Variants in ITPR2 observed in about 807,000 individuals in gnomAD.
ITPR2 encodes inositol 1,4,5-trisphosphate receptor type 2.
ITPR2 carries 207 observed loss-of-function variants against 317.1 expected under a neutral mutation model. That is an observed-to-expected ratio of 0.65 (90% confidence interval 0.58 to 0.73). The LOEUF (loss-of-function observed/expected upper bound fraction) is 0.73, where lower values mean the gene tolerates loss of function less well. ITPR2 is among the 30% of genes least tolerant of loss of function. ITPR2 has a pLI of 0.00. For missense variants in ITPR2, 2,613 were observed against 3,284.0 expected, an observed-to-expected ratio of 0.80 and a Z score of 4.99; for synonymous variants, 1,156 against 1,149.1, an observed-to-expected ratio of 1.01 and a Z score of -0.12.
chr12:26,698,408 G>A (rs1948388679), intron 9 of ITPR2, among the ~76,000 whole-genome samples: 2 of 152,130 alleles, frequency 1.3e-5, no homozygotes, highest in Non-Finnish European at 2.9e-5. Context: ...TCATGCAAGC[G>A]ACAACCAAGA....
chr12:26,671,879 A>G (rs1947780922), intron 13 of ITPR2, among the ~76,000 whole-genome samples: 1 of 152,178 alleles, frequency 6.6e-6, no homozygotes, highest in African/African-American at 2.4e-5. Context: ...TGGAAAACGA[A>G]AAAAGGCAGG....
chr12:26,653,569 G>GAGC (rs1305636815), intron 21 of ITPR2, among the ~76,000 whole-genome samples: 2 of 152,136 alleles, frequency 1.3e-5, no homozygotes, highest in African/African-American at 4.8e-5. Flanking sequence ...CTCTGCTGTG[G>GAGC]AGCACAGCCT....
At chr12:26,618,077 C>G (rs1318912038) in intron 26 of ITPR2, among the ~76,000 whole-genome samples, 1 of 151,890 alleles carries the variant, frequency 6.6e-6, no homozygotes, top group African/African-American at 2.4e-5. Flanking sequence ...AAAAAGTAAA[C>G]TAGGAAGAGA....
At chr12:26,817,730 G>C (rs1201589136) in intron 1 of ITPR2, among the ~76,000 whole-genome samples, 1 of 152,188 alleles carries the variant, frequency 6.6e-6, no homozygotes, top group African/African-American at 2.4e-5. Flanking sequence ...AGTAGAGCCA[G>C]CATTTGAGGA....
chr12:26,339,200 C>T lies in ITPR2; in HGVS notation c.*197G>A. The T allele has an allele frequency of 3.6e-6, 2 of 561,962 alleles. No individual in the cohort carries two copies. The highest frequency in any genetic ancestry group is 4.5e-5 in the South Asian group (2 of 44,804). The allele number at this position is 561,962 out of a possible 1,614,324, so 34.8% of individuals were successfully genotyped here. On this transcript the variant is annotated 3_prime_UTR_variant, in exon 57 of 57. Transcript: ENST00000381340. ...TGTGATGTACGCTTTCTAGCAGATG[C>T]ATTTGAGGTTAGGTCTTCGCAACCA...
In ITPR2 at chr12:26,722,382, T is replaced by C. The variant is rs1183279707; in HGVS notation, c.525+15A>G. ...TATGAACCCACTATTTCCCTCTTAATTGTATATTACATACATTGTCACCCT... is the reference window on the plus strand; with the variant it reads ...TATGAACCCACTATTTCCCTCTTAACTGTATATTACATACATTGTCACCCT... On this transcript the variant is annotated intron_variant, in intron 5 of 56. Coordinates refer to ENST00000381340, the MANE Select transcript of ITPR2 (RefSeq NM_002223.4). 1.9e-6 allele frequency: 3 copies of C among 1,591,336 alleles called. No individual in the cohort carries two copies. The highest frequency in any genetic ancestry group is 2.3e-5 in the South Asian group (2 of 86,462).
At chr12:26,774,748 C>T (rs141977293) in intron 2 of ITPR2, among the ~76,000 whole-genome samples, 4 of 152,328 alleles carry the variant, frequency 2.6e-5, no homozygotes, top group East Asian at 3.9e-4. Flanking sequence ...TTCCAACATG[C>T]GAACAGCTTC....
chr12:26,525,155 A>G (rs943671814), intron 37 of ITPR2, among the ~76,000 whole-genome samples: 6 of 152,192 alleles, frequency 3.9e-5, no homozygotes, highest in African/African-American at 1.4e-4. Flanking sequence ...TTACTGTAAA[A>G]TATGGATATC....
chr12:26,693,398 C>T (rs1213674713), intron 10 of ITPR2, among the ~76,000 whole-genome samples: 1 of 152,138 alleles, frequency 6.6e-6, no homozygotes, highest in Non-Finnish European at 1.5e-5. Context: ...TGTGCTGTTC[C>T]ATAGAACCTC....
intron 37 of ITPR2, among the ~76,000 whole-genome samples, chr12:26,546,038 AT>A (rs1259957779): frequency 2.6e-5 from 4 of 152,214 alleles, no homozygotes; most frequent in Non-Finnish European, 4.4e-5. Context: ...TTTAGCTATA[AT>A]TTTTTATTCT....
At chr12:26,624,399 A>G (rs752346763) in intron 23 of ITPR2, 43 bp from the exon 24 acceptor site, 2 of 1,354,576 alleles carry the variant, frequency 1.5e-6, no homozygotes, top group South Asian at 1.2e-5. Flanking sequence ...TCCTATTTTA[A>G]TTAGGAGCCA....
At chr12:26,448,249 T>C (rs1167935929) in intron 45 of ITPR2, among the ~76,000 whole-genome samples, 2 of 152,006 alleles carry the variant, frequency 1.3e-5, no homozygotes, top group Non-Finnish European at 2.9e-5. Context: ...CAACAGGACT[T>C]GAAATCAGCT....
intron 37 of ITPR2, among the ~76,000 whole-genome samples, chr12:26,537,072 G>A (rs574365166): frequency 1.9e-4 from 29 of 152,310 alleles, no homozygotes; most frequent in African/African-American, 4.1e-4. Flanking sequence ...TGGAGGGACC[G>A]CTTAGAGAAG....
intron 9 of ITPR2, 104 bp downstream of exon 9, chr12:26,711,069 T>C (rs1948634983): frequency 2.9e-6 from 2 of 701,138 alleles, no homozygotes; most frequent in African/African-American, 3.5e-5. Context: ...ATCAAATTTG[T>C]GTAATGACTG....
chr12:26,446,188 G>A (rs1048284173), intron 45 of ITPR2, among the ~76,000 whole-genome samples: 4 of 152,082 alleles, frequency 2.6e-5, no homozygotes, highest in African/African-American at 4.8e-5. Flanking sequence ...GAAAGTACAC[G>A]GACTTGGGAA....
chr12:26,790,010 T>A (rs1046253092), intron 2 of ITPR2, 147 bp downstream of exon 2: 2 of 668,816 alleles, frequency 3.0e-6, no homozygotes, highest in Admixed American at 5.1e-5. Flanking sequence ...AGAAAAACAA[T>A]GGAAAAATTG....
chr12:26,427,721 CTT>C (rs1941103049), intron 49 of ITPR2, among the ~76,000 whole-genome samples, 190 bp downstream of exon 49: 1 of 152,052 alleles, frequency 6.6e-6, no homozygotes. Context: ...ATATAGCAAT[CTT>C]TTACCTATCA....
chr12:26,414,300 T>C (rs919025723), intron 51 of ITPR2, among the ~76,000 whole-genome samples: 19 of 152,184 alleles, frequency 1.2e-4, no homozygotes, highest in African/African-American at 4.6e-4. Context: ...GACTTACTAA[T>C]AGACTTAAGT....
At chr12:26,756,166 C>T (rs370753832) in intron 2 of ITPR2, among the ~76,000 whole-genome samples, 5 of 152,068 alleles carry the variant, frequency 3.3e-5, no homozygotes, top group Admixed American at 6.5e-5. Context: ...AAATGGGAAA[C>T]GGGAGAGAGA....
Sources: gnomAD v4.1 joint callset for allele counts (sites outside exome capture counted in the v4.1 genomes callset) on GRCh38, gnomAD v4.1.1 for gene constraint, MANE v1.5 for transcripts, NCBI Gene and HGNC (gene_info 2026-07-23, HGNC 2026-07-21) for gene names.